PHLPP1: variants seen among roughly 807,000 people sequenced by gnomAD.
PHLPP1 encodes PH domain leucine-rich repeat-containing protein phosphatase 1.
In PHLPP1, 42 loss-of-function variants were observed where a neutral mutation model predicts 117.2. The observed-to-expected ratio is 0.36, with a 90% CI of 0.28 to 0.46. The LOEUF (loss-of-function observed/expected upper bound fraction) is 0.46, where lower values mean the gene tolerates loss of function less well. PHLPP1 is among the 20% of genes least tolerant of loss of function. The pLI is 1.00. For synonymous variants in PHLPP1, 1,042 were observed against 970.7 expected (o/e 1.07, Z -1.37); for missense variants, 2,084 against 2,241.9 (o/e 0.93, Z 1.42).
intron 10 of PHLPP1, 46 bp downstream of exon 10, chr18:62,920,160 C>T (rs1468017662): frequency 5.2e-6 from 8 of 1,534,744 alleles, no homozygotes; most frequent in Non-Finnish European, 7.2e-6. Context: ...TAAATATTCC[C>T]TCATTTGTAT....
chr18:62,777,166 G>A (rs1306873417), intron 1 of PHLPP1, among the ~76,000 whole-genome samples: 4 of 152,186 alleles, frequency 2.6e-5, no homozygotes, highest in Admixed American at 2.6e-4. Flanking sequence ...ATTTTCACTA[G>A]CAGTGTTTGA....
chr18:62,827,129 A>G (rs576055100), intron 1 of PHLPP1, among the ~76,000 whole-genome samples: 3 of 152,302 alleles, frequency 2.0e-5, no homozygotes, highest in South Asian at 2.1e-4. Context: ...CTTACCTACT[A>G]TGTGCCAAGT....
chr18:62,838,241 T>C (rs1914961050), intron 2 of PHLPP1: 1 of 152,176 alleles, frequency 6.6e-6, no homozygotes, highest in Admixed American at 6.5e-5. Context: ...CATAGAAGTT[T>C]GTATAATGTT....
intron 12 of PHLPP1, among the ~76,000 whole-genome samples, chr18:62,946,907 G>T (rs570087143): frequency 6.6e-6 from 1 of 152,220 alleles, no homozygotes; most frequent in South Asian, 2.1e-4. Context: ...GAAAAAATTA[G>T]CCGGGCATGG....
At chr18:62,892,082 C>CTTTTTTTTTTTTTTTTTTTTTT (rs200141250) in intron 4 of PHLPP1, among the ~76,000 whole-genome samples, 3 of 107,968 alleles carry the variant, frequency 2.8e-5, no homozygotes, top group African/African-American at 4.0e-5. Flanking sequence ...TTCTTTCTTT[C>CTTTTTTTTTTTTTTTTTTTTTT]TTTTTTTTTT....
chr18:62,877,815 A>C (rs1476432933), intron 4 of PHLPP1, among the ~76,000 whole-genome samples: 1 of 152,198 alleles, frequency 6.6e-6, no homozygotes, highest in Non-Finnish European at 1.5e-5. Flanking sequence ...CTTCTTGCCT[A>C]ATGCTGCCGA....
At chr18:62,861,215 T>G (rs1004917127) in intron 4 of PHLPP1, among the ~76,000 whole-genome samples, 4 of 152,120 alleles carry the variant, frequency 2.6e-5, no homozygotes, top group Non-Finnish European at 5.9e-5. Flanking sequence ...GCCCAAGTGA[T>G]TCACCTGCCT....
At chr18:62,770,679 A>G (rs1438149962) in intron 1 of PHLPP1, among the ~76,000 whole-genome samples, 1 of 151,654 alleles carries the variant, frequency 6.6e-6, no homozygotes, top group African/African-American at 2.4e-5. Context: ...GCTTACACAG[A>G]TTGAATATTC....
At chr18:62,718,806 A>C (rs923874261) in intron 1 of PHLPP1, among the ~76,000 whole-genome samples, 1 of 152,228 alleles carries the variant, frequency 6.6e-6, no homozygotes, top group East Asian at 1.9e-4. Context: ...GATGTATTAG[A>C]GTTTGAACAA....
At chr18:62,942,679 T>C (rs773678194) in intron 11 of PHLPP1, among the ~76,000 whole-genome samples, 2 of 152,208 alleles carry the variant, frequency 1.3e-5, no homozygotes, top group African/African-American at 4.8e-5. Context: ...CATTGGCTTT[T>C]ATCCATCTAA....
intron 4 of PHLPP1, among the ~76,000 whole-genome samples, chr18:62,882,936 G>C (rs1397564166): frequency 7.4e-6 from 1 of 135,740 alleles, no homozygotes; most frequent in African/African-American, 2.7e-5. Context: ...GAGAGAGCAA[G>C]ACCACATCTT....
intron 2 of PHLPP1, among the ~76,000 whole-genome samples, chr18:62,834,476 C>T (rs1267832386): frequency 6.6e-6 from 1 of 152,092 alleles, no homozygotes; most frequent in Non-Finnish European, 1.5e-5. Context: ...ACTATTCAAT[C>T]CACAATTCCT....
chr18:62,800,540 A>T (rs1404593815), intron 1 of PHLPP1, among the ~76,000 whole-genome samples: 4 of 151,530 alleles, frequency 2.6e-5, no homozygotes, highest in Admixed American at 1.3e-4. Context: ...AACATCTTTC[A>T]TTATATGCAG....
At chr18:62,747,276 C>CTTTTTTT (rs564178033) in intron 1 of PHLPP1, among the ~76,000 whole-genome samples, 19 of 123,210 alleles carry the variant, frequency 1.5e-4, no homozygotes, top group South Asian at 2.5e-4. Flanking sequence ...TCTTCATTTC[C>CTTTTTTT]TTTTTTTTTT....
At chr18:62,856,288 G>A (rs1708399351) in intron 3 of PHLPP1, among the ~76,000 whole-genome samples, 1 of 152,002 alleles carries the variant, frequency 6.6e-6, no homozygotes, top group South Asian at 2.1e-4. Context: ...CACCTTAAAA[G>A]CCAGAGTCCT....
At chr18:62,915,058 T>A in intron 9 of PHLPP1, 50 bp downstream of exon 9, 1 of 1,329,714 alleles carries the variant, frequency 7.5e-7, no homozygotes, top group Non-Finnish European at 1.1e-6. Context: ...TGAGCAATTT[T>A]AAAAATTGCT....
In PHLPP1 at chr18:62,978,166, C is replaced by G; in HGVS notation, c.3985-96C>G. 2 of 673,862 alleles carry G rather than the reference C, an allele frequency of 3.0e-6. No individual in the cohort carries two copies. 41.7% of individuals were successfully genotyped at this position (673,862 alleles called of 1,614,324 possible). A position where few individuals can be genotyped will look rare whatever the true frequency, so the allele number is the denominator to read the frequency against. ...GGCCACACAGCACTTCTCTGTGGTC[C>G]TACAGTCGAGACAGTCGAGGGACCC... On this transcript the variant is annotated intron_variant, in intron 16 of 16. Coordinates refer to ENST00000262719, the MANE Select transcript of PHLPP1 (RefSeq NM_194449.4). This position sits in a 1 kb window ranked among gnomAD's most constrained non-coding sequence, Gnocchi z 7.0.
At chr18:62,878,540 A>C (rs1483647997) in intron 4 of PHLPP1, among the ~76,000 whole-genome samples, 1 of 152,192 alleles carries the variant, frequency 6.6e-6, no homozygotes, top group Non-Finnish European at 1.5e-5. Context: ...TGGAGCTTTG[A>C]ATGGGAGGAG....
chr18:62,723,569 CT>C, intron 1 of PHLPP1, among the ~76,000 whole-genome samples: 1 of 152,090 alleles, frequency 6.6e-6, no homozygotes, highest in Non-Finnish European at 1.5e-5. Flanking sequence ...GAGAATGAAT[CT>C]TTTCATATAC....
Sources: allele counts gnomAD v4.1 joint callset (sites outside exome capture counted in the v4.1 genomes callset), GRCh38; gene constraint gnomAD v4.1.1; non-coding constraint Gnocchi (gnomAD v3.1); transcripts MANE v1.5; gene names NCBI Gene and HGNC (gene_info 2026-07-23, HGNC 2026-07-21).